Variants in GABRB2 observed in about 807,000 individuals in gnomAD.
The protein encoded by GABRB2 is gamma-aminobutyric acid receptor subunit beta-2.
Under a neutral mutation model 54.7 loss-of-function variants are expected in GABRB2, and 16 were observed. The observed-to-expected ratio is 0.29, with a 90% CI of 0.20 to 0.44. GABRB2 has a LOEUF of 0.44. Ranked by LOEUF, GABRB2 falls within the 20% of genes least tolerant of loss-of-function variation. GABRB2 has a pLI of 1.00. For missense variants in GABRB2, 355 were observed against 644.0 expected (o/e 0.55, Z 4.86); for synonymous variants, 244 against 233.8 (o/e 1.04, Z -0.40).
At chr5:161,464,202 C>A (rs2113279218) in intron 3 of GABRB2, among the ~76,000 whole-genome samples, 1 of 152,050 alleles carries the variant, frequency 6.6e-6, no homozygotes, top group Non-Finnish European at 1.5e-5. Context: ...AATCACATAT[C>A]TGACAAACAA....
intron 7 of GABRB2, among the ~76,000 whole-genome samples, chr5:161,333,398 G>C (rs1753909972): frequency 1.3e-5 from 2 of 152,166 alleles, no homozygotes; most frequent in African/African-American, 4.8e-5. Flanking sequence ...ACACAGGGGA[G>C]GTCTATGGTA....
chr5:161,420,854 T>C (rs565846711), intron 4 of GABRB2, among the ~76,000 whole-genome samples: 1 of 152,356 alleles, frequency 6.6e-6, no homozygotes, highest in South Asian at 2.1e-4. Flanking sequence ...TTCTTCTAGC[T>C]AGGCTGTCCA....
intron 5 of GABRB2, among the ~76,000 whole-genome samples, chr5:161,364,091 T>A (rs944521889): frequency 6.6e-6 from 1 of 152,150 alleles, no homozygotes; most frequent in Non-Finnish European, 1.5e-5. Context: ...AATCCAGGAG[T>A]AACATGTGCA....
chr5:161,498,830 A>C (rs543122444), intron 3 of GABRB2, among the ~76,000 whole-genome samples: 3 of 152,112 alleles, frequency 2.0e-5, no homozygotes, highest in Non-Finnish European at 4.4e-5. Context: ...ATGTGCACAG[A>C]CTTGTTGGTT....
chr5:161,512,422 C>T (rs1759801508), intron 3 of GABRB2, among the ~76,000 whole-genome samples: 1 of 151,876 alleles, frequency 6.6e-6, no homozygotes, highest in Non-Finnish European at 1.5e-5. Flanking sequence ...TACACGCATA[C>T]AGCCATCTGA....
At chr5:161,374,953 G>A (rs1250247636) in intron 5 of GABRB2, among the ~76,000 whole-genome samples, 3 of 152,100 alleles carry the variant, frequency 2.0e-5, no homozygotes, top group Non-Finnish European at 4.4e-5. Context: ...TTGCTGAATA[G>A]ATAAATAAAT....
At chr5:161,502,899 G>C (rs1470388694) in intron 3 of GABRB2, among the ~76,000 whole-genome samples, 1 of 152,162 alleles carries the variant, frequency 6.6e-6, no homozygotes, top group Non-Finnish European at 1.5e-5. Flanking sequence ...ACTAAGCTGT[G>C]GTTGAACAGG....
chr5:161,389,514 T>A (rs1440262030), intron 5 of GABRB2, among the ~76,000 whole-genome samples: 1 of 151,706 alleles, frequency 6.6e-6, no homozygotes, highest in African/African-American at 2.4e-5. Context: ...GATTGATAGA[T>A]ATATAAAAAC....
intron 3 of GABRB2, among the ~76,000 whole-genome samples, chr5:161,468,135 A>AG (rs1358658931): frequency 2.0e-5 from 3 of 152,202 alleles, no homozygotes; most frequent in African/African-American, 7.2e-5. Context: ...CATTGTTACT[A>AG]TCTCCTTGAG....
chr5:161,483,972 C>T (rs978136171), intron 3 of GABRB2, among the ~76,000 whole-genome samples: 2 of 151,718 alleles, frequency 1.3e-5, no homozygotes, highest in African/African-American at 4.8e-5. Flanking sequence ...TTGTGATTTT[C>T]ACCCATTGGT....
At chr5:161,488,482 T>A (rs886763410) in intron 3 of GABRB2, among the ~76,000 whole-genome samples, 3 of 151,772 alleles carry the variant, frequency 2.0e-5, no homozygotes, top group Non-Finnish European at 4.4e-5. Context: ...ATTGTATAAA[T>A]ATGTTTTTAC....
intron 5 of GABRB2, among the ~76,000 whole-genome samples, chr5:161,392,977 T>C (rs566743911): frequency 1.3e-5 from 2 of 152,090 alleles, no homozygotes; most frequent in Non-Finnish European, 2.9e-5. Context: ...TTATAAAATG[T>C]GTTAACAGTA....
intron 3 of GABRB2, among the ~76,000 whole-genome samples, chr5:161,521,209 G>A (rs1000361991): frequency 6.6e-6 from 1 of 151,876 alleles, no homozygotes; most frequent in Non-Finnish European, 1.5e-5. Context: ...GCTCTTTGAA[G>A]GAATATATTT....
intron 3 of GABRB2, among the ~76,000 whole-genome samples, chr5:161,514,419 G>C (rs1195905206): frequency 6.6e-6 from 1 of 152,092 alleles, no homozygotes; most frequent in East Asian, 1.9e-4. Context: ...TCCTGCACTA[G>C]AATAAGCATC....
At chr5:161,299,947 A>G (rs9313879) in intron 9 of GABRB2, among the ~76,000 whole-genome samples, 26,215 of 152,186 alleles carry the variant, frequency 0.17, 3,653 homozygotes, top group African/African-American at 0.37. Context: ...AGTATGCAGA[A>G]CAGTGTTGGG....
chr5:161,545,287 G>A lies in GABRB2; in HGVS notation c.177C>T (p.Pro59=), dbSNP rs996258829. The A allele has an allele frequency of 1.3e-6, 2 of 1,597,306 alleles. No individual in the cohort carries two copies. The highest frequency in any genetic ancestry group is 1.8e-5 in the Admixed American group (1 of 56,560). ...IRLRPDFGGP[P]VAVGMNIDIA... is the part of the protein sequence containing the mutation. ...TGTCAATGTTCATCCCCACAGCCAC[G>A]GGGGGACCTGCAAAGCAAGACGGCC... Residue 59 remains proline (P), a synonymous_variant, in exon 3 of 10, where the codon CCC becomes CCT. Coordinates refer to ENST00000393959, the MANE Select transcript of GABRB2 (RefSeq NM_001371727.1).
At chr5:161,357,098 AAT>A (rs1289160801) in intron 5 of GABRB2, among the ~76,000 whole-genome samples, 18 of 152,346 alleles carry the variant, frequency 1.2e-4, no homozygotes, top group African/African-American at 4.1e-4. Flanking sequence ...GTTTGAAAAT[AAT>A]ATGAGTTATA....
intron 3 of GABRB2, among the ~76,000 whole-genome samples, chr5:161,528,529 A>T (rs1175854612): frequency 6.6e-6 from 1 of 151,850 alleles, no homozygotes; most frequent in African/African-American, 2.4e-5. Context: ...TTTAAATATC[A>T]TCAGTGACAA....
intron 7 of GABRB2, among the ~76,000 whole-genome samples, chr5:161,333,614 C>G (rs1263103104): frequency 6.6e-6 from 1 of 152,098 alleles, no homozygotes; most frequent in Non-Finnish European, 1.5e-5. Flanking sequence ...GGCCTACCAT[C>G]CCTTTGTAAT....
Sources: allele counts gnomAD v4.1 joint callset (sites outside exome capture counted in the v4.1 genomes callset), GRCh38; gene constraint gnomAD v4.1.1; transcripts MANE v1.5; gene names NCBI Gene and HGNC (gene_info 2026-07-23, HGNC 2026-07-21).